Variants in PRR16 observed in about 807,000 individuals in gnomAD.
The protein encoded by PRR16 is protein Largen.
A neutral mutation model predicts 18.2 loss-of-function variants in PRR16; 6 were observed. The observed-to-expected ratio is 0.33, with a 90% CI of 0.18 to 0.65. The LOEUF (loss-of-function observed/expected upper bound fraction) is 0.65. PRR16 is among the 30% of genes least tolerant of loss of function. The pLI is 0.74. For missense variants in PRR16, 412 were observed against 376.6 expected (o/e 1.09, Z -0.78); for synonymous variants, 151 against 147.8 (o/e 1.02, Z -0.16).
chr5:120,583,656 G>A (rs929953509), intron 1 of PRR16, among the ~76,000 whole-genome samples: 29 of 152,136 alleles, frequency 1.9e-4, no homozygotes, highest in African/African-American at 6.8e-4. Flanking sequence ...AACTGTCAAT[G>A]CTAAGCTTAG....
intron 1 of PRR16, among the ~76,000 whole-genome samples, chr5:120,512,458 C>G (rs17146715): frequency 1.3e-5 from 2 of 151,972 alleles, no homozygotes; most frequent in Non-Finnish European, 2.9e-5. Flanking sequence ...CTCTGAGAGG[C>G]CTGCTTCTGA....
chr5:120,485,940 G>T (rs1749784225), intron 1 of PRR16, among the ~76,000 whole-genome samples: 1 of 152,052 alleles, frequency 6.6e-6, no homozygotes, highest in African/African-American at 2.4e-5. Context: ...GAGAATGATG[G>T]TTTCCAGCTT....
intron 1 of PRR16, among the ~76,000 whole-genome samples, chr5:120,637,465 C>T (rs1054013627): frequency 6.6e-6 from 1 of 151,572 alleles, no homozygotes; most frequent in Admixed American, 6.6e-5. Context: ...TGGAATACTA[C>T]TCAGCCATAA....
At chr5:120,648,609 G>T (rs928300106) in intron 1 of PRR16, among the ~76,000 whole-genome samples, 12 of 152,098 alleles carry the variant, frequency 7.9e-5, no homozygotes, top group African/African-American at 2.9e-4. Context: ...AGAGCTGAAA[G>T]TGGCAACAAC....
At chr5:120,702,552 C>T in the PRR16 span, among the ~76,000 whole-genome samples, 5 of 152,090 alleles carry the variant, frequency 3.3e-5, no homozygotes, top group East Asian at 3.9e-4. Context: ...GGCGTCCCTG[C>T]GTGGTCTGAC....
chr5:120,754,050 TCTG>T, the PRR16 span, among the ~76,000 whole-genome samples: 1 of 127,206 alleles, frequency 7.9e-6, no homozygotes, highest in Non-Finnish European at 1.6e-5. Context: ...ATCGTATTCA[TCTG>T]CTGAGGAAGA....
At chr5:120,781,527 T>C in the PRR16 span, 3 of 152,128 alleles carry the variant, frequency 2.0e-5, no homozygotes, top group East Asian at 5.8e-4. Context: ...CTTTCCTTGG[T>C]GTATGGGAGG....
Position 120,536,598 on chromosome 5 carries a change from A to T in PRR16, c.159+71953A>T, listed in dbSNP as rs145374008. Among the ~76,000 whole-genome samples, 48 of 152,318 alleles carry T rather than the reference A, an allele frequency of 3.2e-4. No individual in the cohort carries two copies. The East Asian group carries it at 9.1e-3, about 29-fold the overall frequency. On this transcript the variant is annotated intron_variant, in intron 1 of 1. Coordinates refer to ENST00000407149, the MANE Select transcript of PRR16 (RefSeq NM_001300783.2). The stretch of plus-strand genomic sequence containing the variant: ...AGAGAAAACATGTTCATGAGAAAGG[A>T]TGGCAGTTTTGTTATGTGGAAAAAG...
intron 1 of PRR16, among the ~76,000 whole-genome samples, chr5:120,649,188 G>A (rs181552785): frequency 4.0e-3 from 610 of 152,200 alleles, no homozygotes; most frequent in Non-Finnish European, 6.9e-3. Flanking sequence ...TTGTCTAAGG[G>A]AATATTTTAG....
intron 1 of PRR16, among the ~76,000 whole-genome samples, chr5:120,546,095 G>A (rs1051240808): frequency 3.3e-5 from 5 of 152,028 alleles, no homozygotes; most frequent in African/African-American, 1.2e-4. Flanking sequence ...CATTTTACTA[G>A]TAAGGAAGCT....
At chr5:120,759,825 T>C in the PRR16 span, among the ~76,000 whole-genome samples, 2 of 152,080 alleles carry the variant, frequency 1.3e-5, no homozygotes, top group African/African-American at 4.8e-5. Context: ...TCTTGAAGTC[T>C]AAAGACAAAA....
the PRR16 span, among the ~76,000 whole-genome samples, chr5:120,780,762 A>G: frequency 6.6e-6 from 1 of 152,254 alleles, no homozygotes; most frequent in East Asian, 1.9e-4. Flanking sequence ...CCTTCATGAA[A>G]TATAATTTCC....
chr5:120,754,181 A>ATATAATATATAATTAAATT, the PRR16 span, among the ~76,000 whole-genome samples: 1 of 116,208 alleles, frequency 8.6e-6, no homozygotes. Flanking sequence ...AAATATAAAT[A>ATATAATATATAATTAAATT]TATAATATAT....
At chr5:120,679,232 A>T (rs1416944543) in intron 1 of PRR16, among the ~76,000 whole-genome samples, 1 of 152,066 alleles carries the variant, frequency 6.6e-6, no homozygotes, top group Non-Finnish European at 1.5e-5. Context: ...TGGACAAATG[A>T]CTCAATTTCA....
At chr5:120,734,368 C>G in the PRR16 span, among the ~76,000 whole-genome samples, 1 of 152,048 alleles carries the variant, frequency 6.6e-6, no homozygotes, top group South Asian at 2.1e-4. Flanking sequence ...TGTGTAAGTG[C>G]ATGTTTATTC....
intron 1 of PRR16, among the ~76,000 whole-genome samples, chr5:120,524,597 A>C (rs1275224074): frequency 6.6e-6 from 1 of 152,130 alleles, no homozygotes; most frequent in Non-Finnish European, 1.5e-5. Flanking sequence ...ACATACAATA[A>C]ATATCATCTA....
chr5:120,578,659 T>C (rs1313934463), intron 1 of PRR16, among the ~76,000 whole-genome samples: 2 of 152,198 alleles, frequency 1.3e-5, no homozygotes, highest in African/African-American at 4.8e-5. Flanking sequence ...GATGGACATT[T>C]GGGTTTGTTC....
At chr5:120,750,248 T>A in the PRR16 span, among the ~76,000 whole-genome samples, 1 of 152,140 alleles carries the variant, frequency 6.6e-6, no homozygotes, top group Non-Finnish European at 1.5e-5. Context: ...AAGAGCCTAA[T>A]AGGTAAATTA....
At chr5:120,747,671 C>T in the PRR16 span, among the ~76,000 whole-genome samples, 1 of 151,888 alleles carries the variant, frequency 6.6e-6, no homozygotes, top group Non-Finnish European at 1.5e-5. Flanking sequence ...TAGTCAAAAG[C>T]AAGAGGTACA....
Sources: gnomAD v4.1 joint callset for allele counts (sites outside exome capture counted in the v4.1 genomes callset) on GRCh38, gnomAD v4.1.1 for gene constraint, MANE v1.5 for transcripts, NCBI Gene and HGNC (gene_info 2026-07-23, HGNC 2026-07-21) for gene names.